Variants in TTC29 observed in about 807,000 individuals in gnomAD.
TTC29 encodes the protein tetratricopeptide repeat domain 29.
In TTC29, 49 loss-of-function variants were observed where a neutral mutation model predicts 58.1. The ratio of observed to expected loss-of-function variants is 0.84; its 90% CI spans 0.67 to 1.07. The LOEUF (loss-of-function observed/expected upper bound fraction) is 1.07. Among genes scored for constraint, TTC29 ranks in the 50% least tolerant of loss-of-function variants. TTC29 has a pLI of 0.00. For missense variants in TTC29, 582 were observed against 555.6 expected (o/e 1.05, Z -0.48); for synonymous variants, 209 against 196.8 (o/e 1.06, Z -0.52).
intron 11 of TTC29, among the ~76,000 whole-genome samples, chr4:146,791,154 AT>A (rs1280127843): frequency 2.6e-5 from 4 of 152,296 alleles, no homozygotes; most frequent in Admixed American, 6.5e-5. Context: ...AGTATTTCAA[AT>A]TTCCTTTAAT....
intron 11 of TTC29, among the ~76,000 whole-genome samples, chr4:146,721,909 A>T (rs1479515671): frequency 6.6e-6 from 1 of 152,178 alleles, no homozygotes; most frequent in African/African-American, 2.4e-5. Context: ...TACCTAGAAA[A>T]CCCTAAAGAC....
At chr4:146,781,554 G>T (rs921570460) in intron 11 of TTC29, among the ~76,000 whole-genome samples, 2 of 152,010 alleles carry the variant, frequency 1.3e-5, no homozygotes, top group Middle Eastern at 3.4e-3. Context: ...TGTAAGATCT[G>T]CTCAGCACAG....
intron 11 of TTC29, among the ~76,000 whole-genome samples, chr4:146,743,359 A>G (rs1386256048): frequency 1.3e-5 from 2 of 152,226 alleles, no homozygotes; most frequent in Non-Finnish European, 2.9e-5. Flanking sequence ...CCCAAGGTAC[A>G]GTCACTCTGT....
chr4:146,714,159 A>G (rs894847548), intron 11 of TTC29, among the ~76,000 whole-genome samples: 3 of 152,226 alleles, frequency 2.0e-5, no homozygotes, highest in African/African-American at 7.2e-5. Context: ...GAAAGACAAG[A>G]AATATGTTTG....
At chr4:146,850,798 AT>A (rs1729467829) in intron 8 of TTC29, among the ~76,000 whole-genome samples, 1 of 152,206 alleles carries the variant, frequency 6.6e-6, no homozygotes, top group African/African-American at 2.4e-5. Context: ...GAAAATGTTT[AT>A]TTTTTAATAT....
chr4:146,869,706 G>A (rs573115716), intron 7 of TTC29, among the ~76,000 whole-genome samples: 1 of 152,220 alleles, frequency 6.6e-6, no homozygotes, highest in African/African-American at 2.4e-5. Context: ...TTTTATGTGA[G>A]TGGAAGCTCA....
intron 9 of TTC29, among the ~76,000 whole-genome samples, chr4:146,822,825 C>T (rs1051134515): frequency 9.2e-5 from 14 of 152,020 alleles, no homozygotes; most frequent in Admixed American, 5.9e-4. Context: ...TATCTCATTG[C>T]GGTTTTGATT....
At chr4:146,875,748 G>C (rs997778176) in intron 6 of TTC29, among the ~76,000 whole-genome samples, 2 of 152,150 alleles carry the variant, frequency 1.3e-5, no homozygotes, top group Non-Finnish European at 2.9e-5. Flanking sequence ...TGGATAATTA[G>C]AATGTAACTA....
At chr4:146,914,431 G>A (rs1390263563) in intron 4 of TTC29, among the ~76,000 whole-genome samples, 1 of 152,108 alleles carries the variant, frequency 6.6e-6, no homozygotes, top group Non-Finnish European at 1.5e-5. Context: ...TAAATTAACA[G>A]ATGCTGTTTT....
intron 2 of TTC29, chr4:146,942,722 G>T (rs1736525730): frequency 1.7e-6 from 2 of 1,179,588 alleles, no homozygotes; most frequent in East Asian, 2.6e-5. Context: ...AAACAACTAA[G>T]TTTGCCTCAT....
chr4:146,918,978 T>TA (rs1734412434), intron 4 of TTC29, among the ~76,000 whole-genome samples: 1 of 151,182 alleles, frequency 6.6e-6, no homozygotes, highest in Admixed American at 6.6e-5. Flanking sequence ...AAAACTTCTC[T>TA]AGTAGTCTGG....
intron 11 of TTC29, among the ~76,000 whole-genome samples, chr4:146,779,993 C>G (rs1269026777): frequency 6.6e-6 from 1 of 152,122 alleles, no homozygotes; most frequent in Non-Finnish European, 1.5e-5. Context: ...TCCACCCAAT[C>G]TTAGTAATGA....
At chr4:146,728,785 GTA>G (rs1397441199) in intron 11 of TTC29, among the ~76,000 whole-genome samples, 2 of 119,266 alleles carry the variant, frequency 1.7e-5, no homozygotes, top group Non-Finnish European at 3.3e-5. Context: ...ATATATATGT[GTA>G]TATATACGTA....
At chr4:146,850,610 G>T (rs1729455098) in intron 8 of TTC29, among the ~76,000 whole-genome samples, 1 of 152,200 alleles carries the variant, frequency 6.6e-6, no homozygotes, top group African/African-American at 2.4e-5. Flanking sequence ...CAGGATGTCT[G>T]ATTCCCAATT....
At chr4:146,813,238 C>G (rs12511968) in intron 10 of TTC29, among the ~76,000 whole-genome samples, 1 of 152,104 alleles carries the variant, frequency 6.6e-6, no homozygotes, top group Non-Finnish European at 1.5e-5. Flanking sequence ...ATAATTTTAG[C>G]GTTGGAACCA....
At chr4:146,787,712 CAGTGGG>C (rs1191870014) in intron 11 of TTC29, among the ~76,000 whole-genome samples, 2 of 152,068 alleles carry the variant, frequency 1.3e-5, no homozygotes, top group Admixed American at 6.6e-5. Flanking sequence ...CTGAGGCAGC[CAGTGGG>C]AGGGTATTGA....
intron 4 of TTC29, among the ~76,000 whole-genome samples, chr4:146,910,112 A>G (rs1226314020): frequency 6.6e-6 from 1 of 150,988 alleles, no homozygotes; most frequent in Non-Finnish European, 1.5e-5. Flanking sequence ...TATATTCTTT[A>G]AAAAAAAATA....
intron 4 of TTC29, among the ~76,000 whole-genome samples, chr4:146,912,037 C>T (rs1338845733): frequency 1.3e-5 from 2 of 152,100 alleles, no homozygotes; most frequent in African/African-American, 4.8e-5. Flanking sequence ...CTTCTCTGGG[C>T]CACATTGGAA....
intron 11 of TTC29, among the ~76,000 whole-genome samples, chr4:146,746,074 A>G (rs1347668703): frequency 6.6e-6 from 1 of 152,232 alleles, no homozygotes; most frequent in Non-Finnish European, 1.5e-5. Context: ...ATGTTGAGAA[A>G]GAAGCTCAGT....
Sources: allele counts gnomAD v4.1 joint callset (sites outside exome capture counted in the v4.1 genomes callset), GRCh38; gene constraint gnomAD v4.1.1; transcripts MANE v1.5; gene names NCBI Gene and HGNC (gene_info 2026-07-23, HGNC 2026-07-21).